RASGRP3: variants seen among roughly 807,000 people sequenced by gnomAD.
RASGRP3 encodes ras guanyl-releasing protein 3.
Under a neutral mutation model 82.7 loss-of-function variants are expected in RASGRP3, and 54 were observed. The observed-to-expected ratio is 0.65, with a 90% CI of 0.52 to 0.82. The LOEUF is 0.82. Among genes scored for constraint, RASGRP3 ranks in the 40% least tolerant of loss-of-function variants. The pLI, the probability that RASGRP3 is intolerant of heterozygous loss-of-function variation, is 0.00. For synonymous variants in RASGRP3, 309 were observed against 300.5 expected, an observed-to-expected ratio of 1.03 and a Z score of -0.29; for missense variants, 861 against 828.9, an observed-to-expected ratio of 1.04 and a Z score of -0.48.
rs567501718 is a variant in RASGRP3, at chr2:33,520,887, G to A, written c.368+203G>A. Among the ~76,000 whole-genome samples the A allele has an allele frequency of 2.6e-5, 4 of 152,286 alleles. No homozygotes were observed. The South Asian group carries it at 8.3e-4, about 32-fold the overall frequency. ...CAGTTTTTTTTATTTGTAAAATGTG[G>A]ACGATACCTTTCTCATGAGATTATT... On this transcript the variant is annotated intron_variant, in intron 6 of 17. Coordinates refer to ENST00000403687, the MANE Select transcript of RASGRP3 (RefSeq NM_001139488.2).
chr2:33,556,707 C>T (rs979393287), intron 15 of RASGRP3, among the ~76,000 whole-genome samples: 1 of 152,122 alleles, frequency 6.6e-6, no homozygotes, highest in African/African-American at 2.4e-5. Context: ...GAACAAAAAG[C>T]TTCCCAAATC....
rs148768917 is a variant in RASGRP3 at position 33,499,181 on chromosome 2, A to G, written c.-260-12529A>G. The stretch of plus-strand genomic sequence containing the variant: ...TTCACCCCATCCCTGGTCCTAGCCC[A>G]ATCCTGGACAGTGAGTCCCTCCCTA... On this transcript the variant is annotated intron_variant, in intron 1 of 17. Transcript: ENST00000403687. Among the ~76,000 whole-genome samples the G allele has an allele frequency of 2.6e-3, 401 of 152,180 alleles. 1 individual carries two copies. The highest frequency in any genetic ancestry group is 5.2e-3 in the Admixed American group (79 of 15,280).
At chr2:33,467,595 A>C (rs1338966216) in intron 2 of RASGRP3, among the ~76,000 whole-genome samples, 2 of 152,204 alleles carry the variant, frequency 1.3e-5, no homozygotes, top group Non-Finnish European at 2.9e-5. Context: ...AGATGGGATG[A>C]GATGTGGTAT....
At chr2:33,473,264 T>C (rs955467211), upstream of RASGRP3, among the ~76,000 whole-genome samples, 1 of 151,960 alleles carries the variant, frequency 6.6e-6, no homozygotes. Context: ...GTGCCTATAG[T>C]CCCAGCTACT....
chr2:33,515,056 C>T lies in RASGRP3; in HGVS notation c.-81C>T. On this transcript the variant is annotated 5_prime_UTR_variant, in exon 3 of 18. Transcript: ENST00000403687. ...AGGACAGGTCACCACTAGGCACTAA[C>T]ATCGCTGACTTGCATGATTATGGAG... 7.5e-7 allele frequency: 1 copy of T among 1,341,574 alleles called. No individual in the cohort carries two copies. Among genetic ancestry groups the T allele is most frequent in the East Asian group, 2.3e-5 (1 of 43,524 alleles). The allele number at this position is 1,341,574 out of a possible 1,614,324, so 83.1% of individuals were successfully genotyped here. A position where few individuals can be genotyped will look rare whatever the true frequency, so the allele number is the denominator to read the frequency against.
intron 2 of RASGRP3, among the ~76,000 whole-genome samples, chr2:33,470,568 A>T (rs1252685720): frequency 6.6e-6 from 1 of 151,790 alleles, no homozygotes; most frequent in East Asian, 1.9e-4. Context: ...TTTAGTAGAG[A>T]CAGGGTTTCA....
intron 12 of RASGRP3, 34 bp downstream of exon 12, chr2:33,539,244 T>C: frequency 1.4e-6 from 2 of 1,436,992 alleles, no homozygotes; most frequent in South Asian, 1.2e-5. Context: ...GAGAGGGCAC[T>C]AGAAGACCCT....
At chr2:33,537,045 G>T (rs368121302) in intron 11 of RASGRP3, among the ~76,000 whole-genome samples, 9 of 152,224 alleles carry the variant, frequency 5.9e-5, no homozygotes, top group African/African-American at 2.2e-4. Context: ...CATCTAAGAA[G>T]AATCAGGTCA....
rs762776188 is a variant in RASGRP3 at position 33,558,995 on chromosome 2, C to A, written c.2029C>A (p.Gln677Lys). The change falls in exon 17 of 18, where the codon CAG becomes AAG. Residue 677 changes from glutamine to lysine, a missense_variant. Coordinates refer to ENST00000403687, the MANE Select transcript of RASGRP3 (RefSeq NM_001139488.2). ...VDRGTEFELD[Q>K]DEGEETRQDG... ...CCGGGGCACGGAGTTTGAACTTGAC[C>A]AGGATGAAGGAGAAGAGACCAGACA... 6.2e-7 allele frequency: 1 copy of A among 1,612,996 alleles called. No individual in the cohort carries two copies. Among genetic ancestry groups the A allele is most frequent in the South Asian group, 1.1e-5 (1 of 90,834 alleles).
At chr2:33,535,601 T>C (rs891561366) in intron 11 of RASGRP3, among the ~76,000 whole-genome samples, 10 of 152,250 alleles carry the variant, frequency 6.6e-5, no homozygotes, top group African/African-American at 1.9e-4. Context: ...CTGAGTCAGC[T>C]GACCTGGTAG....
chr2:33,467,325 C>T (rs1281122225), intron 2 of RASGRP3, among the ~76,000 whole-genome samples: 1 of 152,092 alleles, frequency 6.6e-6, no homozygotes, highest in Non-Finnish European at 1.5e-5. Context: ...TTATTTGTTA[C>T]AGGCATGTAG....
chr2:33,471,341 ATTTTTT>A (rs70940204), intron 2 of RASGRP3, among the ~76,000 whole-genome samples: 161 of 106,780 alleles, frequency 1.5e-3, no homozygotes, highest in Non-Finnish European at 2.5e-3. Context: ...ACACTGGGCT[ATTTTTT>A]TTTTTTTTTT....
At chr2:33,518,550 A>G (rs1671677665) in intron 4 of RASGRP3, among the ~76,000 whole-genome samples, 1 of 152,192 alleles carries the variant, frequency 6.6e-6, no homozygotes, top group Non-Finnish European at 1.5e-5. Flanking sequence ...TTCCTCAATA[A>G]TAAATTAACC....
At chr2:33,451,890 A>G (rs1251927718) in intron 2 of RASGRP3, among the ~76,000 whole-genome samples, 1 of 151,990 alleles carries the variant, frequency 6.6e-6, no homozygotes, top group Non-Finnish European at 1.5e-5. Context: ...CATAAATCCT[A>G]TAGGCTTTTT....
intron 2 of RASGRP3, among the ~76,000 whole-genome samples, chr2:33,460,873 A>G (rs564595851): frequency 1.3e-5 from 2 of 152,206 alleles, no homozygotes; most frequent in Non-Finnish European, 2.9e-5. Context: ...ATCTTATTTT[A>G]TAAAAGGAAA....
At position 33,520,664 on chromosome 2, in the gene RASGRP3, C is replaced by G; in HGVS notation, c.348C>G (p.Ser116Arg). The G allele has an allele frequency of 1.2e-6, 2 of 1,613,968 alleles. No individual in the cohort carries two copies. Among genetic ancestry groups the G allele is most frequent in the Non-Finnish European group, 1.7e-6 (2 of 1,179,862 alleles). ...ASQLGYEKHV[S>R]LIDISSIPSY... ...AACTAGGATATGAAAAACACGTCAG[C>G]CTCATCGACATATCCAGCATGTAAG... Residue 116 changes from serine (S) to arginine (R), a missense_variant, in exon 6 of 18, where the codon AGC becomes AGG. Physicochemically the swap from Ser to Arg is moderately radical, Grantham distance 110. Transcript: ENST00000403687.
intron 2 of RASGRP3, among the ~76,000 whole-genome samples, chr2:33,449,784 G>A (rs1024531436): frequency 6.6e-6 from 1 of 152,024 alleles, no homozygotes; most frequent in Non-Finnish European, 1.5e-5. Flanking sequence ...ATTTATTACA[G>A]TGAAAATATT....
At chr2:33,532,087 A>C (rs1473900506) in intron 10 of RASGRP3, 1 of 152,228 alleles carries the variant, frequency 6.6e-6, no homozygotes, top group Non-Finnish European at 1.5e-5. Context: ...CACTTTCATG[A>C]GGCTTAGAGC....
chr2:33,507,629 G>A (rs563600503), intron 1 of RASGRP3, among the ~76,000 whole-genome samples: 33 of 152,248 alleles, frequency 2.2e-4, no homozygotes, highest in Admixed American at 9.2e-4. Flanking sequence ...AGGTTCAGGC[G>A]ATTCTCCTGC....
Sources: allele counts gnomAD v4.1 joint callset (sites outside exome capture counted in the v4.1 genomes callset), GRCh38; gene constraint gnomAD v4.1.1; transcripts MANE v1.5; gene names NCBI Gene and HGNC (gene_info 2026-07-23, HGNC 2026-07-21).